The following NFASC variants were observed in gnomAD, a reference collection of about 807,000 sequenced individuals.
NFASC encodes the protein neurofascin homolog.
NFASC carries 43 observed loss-of-function variants against 147.5 expected under a neutral mutation model. The observed-to-expected ratio is 0.29, with a 90% CI of 0.23 to 0.38. The LOEUF is 0.38. NFASC is among the 10% of genes least tolerant of loss of function. The pLI is 1.00. For missense variants in NFASC, 1,320 were observed against 1,689.0 expected (o/e 0.78, Z 3.83); for synonymous variants, 622 against 665.5 (o/e 0.93, Z 1.01).
intron 1 of NFASC, among the ~76,000 whole-genome samples, chr1:204,879,846 A>G (rs1185541147): frequency 6.6e-6 from 1 of 152,208 alleles, no homozygotes; most frequent in Non-Finnish European, 1.5e-5. Flanking sequence ...CTGTGGGAAT[A>G]GAAGGGATAG....
In NFASC at chr1:204,957,965, G is replaced by C. The variant is rs2094502174; in HGVS notation, c.706+139G>C. 5 of 736,072 alleles carry C rather than the reference G, an allele frequency of 6.8e-6. No individual in the cohort carries two copies. In the Admixed American group the frequency reaches 1.3e-4, roughly 19 times the overall value. 45.6% of individuals were successfully genotyped at this position (736,072 alleles called of 1,614,324 possible). ...GAAATCCTTCCAGCTCATGGTGCCT[G>C]AGCCACTTCAGCTGCTCTTAAACGA... On this transcript the variant is annotated intron_variant, in intron 8 of 29. Coordinates refer to ENST00000339876, the MANE Select transcript of NFASC (RefSeq NM_001005388.3).
At position 204,954,898 on chromosome 1, in the gene NFASC, A is replaced by C. The variant is rs1308487552; in HGVS notation, c.482A>C (p.Gln161Pro). The change falls in exon 7 of 30, where the codon CAG becomes CCG. Residue 161 changes from glutamine to proline, a missense_variant. Physicochemically the swap from Gln to Pro is moderately conservative, Grantham distance 76. This residue lies in a region of NFASC where 981 missense variants were observed against 1,289.5 expected (regional missense o/e 0.76). Transcript: ENST00000339876. This position sits in a 1 kb window ranked among gnomAD's most constrained non-coding sequence, Gnocchi z 5.7. ...VVQEGAPLTL[Q>P]CNPPPGLPSP... ...CAAGAGGGCGCTCCTTTGACGCTCC[A>C]GTGCAACCCCCCGCCTGGACTTCCA... is the stretch of plus-strand genomic sequence containing the variant. 6.2e-7 allele frequency: 1 copy of C among 1,614,108 alleles called. No homozygotes were observed. The highest frequency in any genetic ancestry group is 8.5e-7 in the Non-Finnish European group (1 of 1,180,010).
intron 7 of NFASC, among the ~76,000 whole-genome samples, chr1:204,956,188 G>A (rs1345746874): frequency 6.6e-6 from 1 of 152,160 alleles, no homozygotes; most frequent in Non-Finnish European, 1.5e-5. Flanking sequence ...TGGGTTACAA[G>A]AATTATCCAT....
At chr1:204,905,095 A>T (rs1255747995) in intron 1 of NFASC, among the ~76,000 whole-genome samples, 1 of 151,890 alleles carries the variant, frequency 6.6e-6, no homozygotes, top group East Asian at 1.9e-4. Flanking sequence ...ATTAATTATT[A>T]TTTTTTTGAG....
At chr1:204,901,453 G>T (rs535267081) in intron 1 of NFASC, among the ~76,000 whole-genome samples, 124 of 152,254 alleles carry the variant, frequency 8.1e-4, no homozygotes, top group African/African-American at 3.0e-3. Flanking sequence ...AGGATGGAGT[G>T]CTCGCTTGTG....
At chr1:204,962,595 C>T (rs1323320223) in intron 8 of NFASC, among the ~76,000 whole-genome samples, 5 of 152,174 alleles carry the variant, frequency 3.3e-5, no homozygotes, top group East Asian at 3.9e-4. Flanking sequence ...GTTCAGTTAA[C>T]TCTAGATAGG....
chr1:204,909,598 T>C (rs1433399378), intron 1 of NFASC, among the ~76,000 whole-genome samples: 1 of 152,218 alleles, frequency 6.6e-6, no homozygotes, highest in East Asian at 1.9e-4. Context: ...AATTGTTCCT[T>C]CTATGAATTA....
chr1:204,974,567 G>A, intron 13 of NFASC, 90 bp from the exon 14 acceptor site: 1 of 1,429,172 alleles, frequency 7.0e-7, no homozygotes, highest in Non-Finnish European at 9.9e-7. Context: ...TCCTTCCACA[G>A]CCCCCATGGT....
In NFASC at chr1:204,992,461, C is replaced by G. The variant is rs184497131; in HGVS notation, c.2782+1155C>G. ...GTTTGTGTATGTTTTGCGGCCAGATCTGTGGATGGTGAGCTGCCATCATCC... is the reference window on the plus strand; with the variant it reads ...GTTTGTGTATGTTTTGCGGCCAGATGTGTGGATGGTGAGCTGCCATCATCC... On this transcript the variant is annotated intron_variant, in intron 24 of 29. Transcript: ENST00000339876. Among the ~76,000 whole-genome samples, 183 of 152,312 alleles carry G rather than the reference C, an allele frequency of 1.2e-3. 1 individual carries two copies. Among genetic ancestry groups the G allele is most frequent in the African/African-American group, 4.4e-3 (182 of 41,556 alleles).
At chr1:204,909,720 A>G (rs2086885749) in intron 1 of NFASC, among the ~76,000 whole-genome samples, 2 of 152,212 alleles carry the variant, frequency 1.3e-5, no homozygotes, top group African/African-American at 2.4e-5. Flanking sequence ...TAAGTTGGCC[A>G]TCCAATTTGA....
intron 15 of NFASC, among the ~76,000 whole-genome samples, chr1:204,976,052 C>T (rs780998150): frequency 2.6e-5 from 4 of 152,224 alleles, no homozygotes; most frequent in South Asian, 2.1e-4. Context: ...TCTTCCACCC[C>T]GAGGGAGCAA....
intron 1 of NFASC, among the ~76,000 whole-genome samples, chr1:204,872,115 A>C (rs1326974713): frequency 6.6e-6 from 1 of 152,236 alleles, no homozygotes; most frequent in Non-Finnish European, 1.5e-5. Context: ...TGATGATCCC[A>C]GGTTATTGGA....
chr1:204,951,486 T>TG (rs1457142693), intron 4 of NFASC, among the ~76,000 whole-genome samples: 2,673 of 136,790 alleles, frequency 0.02, 85 homozygotes, highest in African/African-American at 0.065. Context: ...TTTTTTTTTT[T>TG]AAAACAGAAT....
chr1:204,944,258 G>A lies in NFASC; in HGVS notation c.-58G>A. Reference sequence around the variant, plus strand: ...CTGTCCAGGAGGCCCAGTTAAAGCGGCTCGAGGTGACAAGACCCCGAGTGC... The same window carrying A: ...CTGTCCAGGAGGCCCAGTTAAAGCGACTCGAGGTGACAAGACCCCGAGTGC... On this transcript the variant is annotated 5_prime_UTR_variant, in exon 3 of 30. Coordinates refer to ENST00000339876, the MANE Select transcript of NFASC (RefSeq NM_001005388.3). 1 of 1,592,598 alleles carries A rather than the reference G, an allele frequency of 6.3e-7. No individual in the cohort carries two copies.
intron 1 of NFASC, among the ~76,000 whole-genome samples, chr1:204,881,630 G>T (rs972390554): frequency 4.6e-5 from 7 of 152,094 alleles, no homozygotes; most frequent in Non-Finnish European, 1.0e-4. Context: ...TCAGTCTGAT[G>T]GGGGGAACCA....
In NFASC at chr1:204,843,614, TCCTTCCTTCCTTCCTCCCTC is replaced by T. The variant is rs570988262; in HGVS notation, c.-200+14836_-200+14855del. 6.4e-3 allele frequency among the ~76,000 whole-genome samples: 671 copies of T among 105,080 alleles called. 11 individuals carry two copies. Among genetic ancestry groups the T allele is most frequent in the African/African-American group, 0.028 (622 of 22,134 alleles). 68.9% of individuals were successfully genotyped at this position (105,080 alleles called of 152,430 possible). On this transcript the variant is annotated intron_variant, in intron 1 of 29. Transcript: ENST00000339876. ...TTCCTTCCTTCCTTCCTTCCTTCCT[TCCTTCCTTCCTTCCTCCCTC>T]CCTCCCTCCCTCCCTCCCTCCCTTC...
intron 3 of NFASC, 27 bp from the exon 4 acceptor site, chr1:204,950,530 C>T (rs2094032022): frequency 1.2e-6 from 2 of 1,608,806 alleles, no homozygotes; most frequent in South Asian, 2.2e-5. Context: ...TTCTCCCTCT[C>T]CAATGCTAAC....
chr1:204,960,358 G>A (rs2094605500), intron 8 of NFASC, among the ~76,000 whole-genome samples: 1 of 152,214 alleles, frequency 6.6e-6, no homozygotes, highest in South Asian at 2.1e-4. Context: ...GTGGAGTTGG[G>A]CTACAGAGCT....
intron 1 of NFASC, among the ~76,000 whole-genome samples, chr1:204,836,437 C>T (rs1673817510): frequency 2.0e-5 from 3 of 152,060 alleles, no homozygotes; most frequent in African/African-American, 7.2e-5. Flanking sequence ...AGTCTGTCTC[C>T]CTGCCACCTA....
Sources: gnomAD v4.1 joint callset for allele counts (sites outside exome capture counted in the v4.1 genomes callset) on GRCh38, gnomAD v4.1.1 for gene constraint, gnomAD v4.1.1 regional missense constraint, Gnocchi (gnomAD v3.1) non-coding constraint, MANE v1.5 for transcripts, NCBI Gene and HGNC (gene_info 2026-07-23, HGNC 2026-07-21) for gene names.